The following TNPO3 variants were observed in gnomAD, a reference collection of about 807,000 sequenced individuals.
TNPO3 encodes transportin 3.
In TNPO3, 65 loss-of-function variants were observed where a neutral mutation model predicts 122.8. That is an observed-to-expected ratio of 0.53 (90% CI 0.43 to 0.65). The LOEUF (loss-of-function observed/expected upper bound fraction) is 0.65. Among genes scored for constraint, TNPO3 ranks in the 30% least tolerant of loss-of-function variants. The pLI, the probability that TNPO3 is intolerant of heterozygous loss-of-function variation, is 0.00. For synonymous variants in TNPO3, 372 were observed against 411.2 expected (o/e 0.90, Z 1.15); for missense variants, 850 against 1,136.7 (o/e 0.75, Z 3.63).
At chr7:128,969,467 T>TTAA (rs1798241892) in intron 20 of TNPO3, among the ~76,000 whole-genome samples, 1 of 139,688 alleles carries the variant, frequency 7.2e-6, no homozygotes, top group African/African-American at 2.5e-5. Flanking sequence ...CTGAACTGCT[T>TTAA]TTACAGTAAT....
intron 18 of TNPO3, 69 bp from the exon 19 acceptor site, chr7:128,972,651 C>T (rs1798609929): frequency 7.1e-7 from 1 of 1,416,822 alleles, no homozygotes; most frequent in Non-Finnish European, 9.7e-7. Flanking sequence ...GGTAAAAGGG[C>T]AAAACTATGA....
chr7:128,959,473 G>T (rs537941844), intron 21 of TNPO3, among the ~76,000 whole-genome samples: 25 of 152,176 alleles, frequency 1.6e-4, no homozygotes, highest in Non-Finnish European at 2.8e-4. Flanking sequence ...TGTGATTACA[G>T]GCGTGAGTCA....
In TNPO3 at chr7:129,055,040, G is replaced by A; in HGVS notation, c.-270C>T. 3 of 432,234 alleles carry A rather than the reference G, an allele frequency of 6.9e-6. No individual in the cohort carries two copies. Among genetic ancestry groups the A allele is most frequent in the East Asian group, 4.5e-5 (1 of 22,010 alleles). The allele number at this position is 432,234 out of a possible 1,614,324, so 26.8% of individuals were successfully genotyped here. On this transcript the variant is annotated 5_prime_UTR_variant, in exon 1 of 23. It adds an upstream start codon to the 5' untranslated region. Coordinates refer to ENST00000265388, the MANE Select transcript of TNPO3 (RefSeq NM_012470.4). ...TGAGTCCACAGATTCTGGCGCTCCC[G>A]TCTTCAGTCGCTGACTTGCCCTCAG... is the stretch of plus-strand genomic sequence containing the variant.
At chr7:128,966,712 C>G (rs1023703526) in intron 21 of TNPO3, among the ~76,000 whole-genome samples, 1 of 152,036 alleles carries the variant, frequency 6.6e-6, no homozygotes, top group African/African-American at 2.4e-5. Flanking sequence ...TTTATATGTT[C>G]ACAGTAAAAA....
intron 21 of TNPO3, among the ~76,000 whole-genome samples, chr7:128,965,539 T>TAA (rs1797850502): frequency 6.6e-6 from 1 of 152,118 alleles, no homozygotes; most frequent in Non-Finnish European, 1.5e-5. Flanking sequence ...TGATGGTTCT[T>TAA]AAAAAAATTA....
At chr7:129,037,183 C>T (rs200702298) in intron 1 of TNPO3, among the ~76,000 whole-genome samples, 1 of 152,136 alleles carries the variant, frequency 6.6e-6, no homozygotes, top group East Asian at 1.9e-4. Flanking sequence ...AATAAAAATG[C>T]CTCAGAAGAG....
chr7:128,980,780 A>C (rs189258512), intron 14 of TNPO3, among the ~76,000 whole-genome samples: 1 of 152,368 alleles, frequency 6.6e-6, no homozygotes, highest in Admixed American at 6.5e-5. Flanking sequence ...TAACAAAAAA[A>C]TATACACAGG....
At chr7:129,014,953 C>T (rs1803664383) in intron 4 of TNPO3, 26 bp downstream of exon 4, 1 of 1,541,852 alleles carries the variant, frequency 6.5e-7, no homozygotes, top group African/African-American at 1.4e-5. Context: ...CTTTATGCAG[C>T]AACTTAGTAT....
chr7:129,000,384 C>G, intron 7 of TNPO3, 45 bp downstream of exon 7: 1 of 1,527,352 alleles, frequency 6.5e-7, no homozygotes, highest in Non-Finnish European at 8.8e-7. Context: ...TAATATGCAG[C>G]ACACAACTTG....
intron 19 of TNPO3, 30 bp from the exon 20 acceptor site, chr7:128,970,345 A>C: frequency 6.5e-7 from 1 of 1,541,068 alleles, no homozygotes; most frequent in South Asian, 1.3e-5. Context: ...AACATCAGAT[A>C]AATTCTAGTC....
Position 128,961,089 on chromosome 7 carries a change from A to AT in TNPO3, c.2712-3775dup, listed in dbSNP as rs869046785. Among the ~76,000 whole-genome samples the AT allele has an allele frequency of 3.6e-4, 55 of 152,070 alleles. 1 individual carries two copies. Among genetic ancestry groups the AT allele is most frequent in the Admixed American group, 2.2e-3 (33 of 15,286 alleles). On this transcript the variant is annotated intron_variant, in intron 21 of 22. Coordinates refer to ENST00000265388, the MANE Select transcript of TNPO3 (RefSeq NM_012470.4). ...GGTTAATTTATTATTGATGAAAAAA[A>AT]TTTTTTTATAAATTTAGTGTAGCCT... is the stretch of plus-strand genomic sequence containing the variant.
intron 21 of TNPO3, among the ~76,000 whole-genome samples, chr7:128,957,919 A>G (rs964516932): frequency 6.6e-6 from 1 of 152,186 alleles, no homozygotes. Context: ...AGCATGTAGA[A>G]AGAGAGACAA....
At chr7:128,985,063 G>C (rs1038135830) in intron 12 of TNPO3, among the ~76,000 whole-genome samples, 1 of 152,048 alleles carries the variant, frequency 6.6e-6, no homozygotes, top group African/African-American at 2.4e-5. Context: ...TATTAGCCTA[G>C]GTCCCTTCTA....
intron 4 of TNPO3, among the ~76,000 whole-genome samples, chr7:129,005,707 C>T (rs904172912): frequency 2.3e-4 from 35 of 151,810 alleles, no homozygotes; most frequent in African/African-American, 7.8e-4. Context: ...GAAGCCTGTA[C>T]AGCCCACAGA....
intron 4 of TNPO3, 111 bp from the exon 5 acceptor site, chr7:129,005,270 C>A: frequency 9.6e-7 from 1 of 1,041,240 alleles, no homozygotes; most frequent in Non-Finnish European, 1.3e-6. Flanking sequence ...AAACAGCCAA[C>A]GGTTAAAAGT....
chr7:128,970,911 G>GGGA (rs954573168), intron 19 of TNPO3: 2 of 152,016 alleles, frequency 1.3e-5, no homozygotes, highest in Non-Finnish European at 2.9e-5. Flanking sequence ...TGCCTAAGGA[G>GGGA]GGAGGGGTGA....
chr7:129,044,951 G>C (rs1459408907), intron 1 of TNPO3, among the ~76,000 whole-genome samples: 1 of 152,210 alleles, frequency 6.6e-6, no homozygotes, highest in Non-Finnish European at 1.5e-5. Flanking sequence ...GCAAGCAAGT[G>C]TCCATTGATG....
intron 18 of TNPO3, among the ~76,000 whole-genome samples, chr7:128,974,003 G>A (rs1038923029): frequency 4.6e-5 from 7 of 151,126 alleles, no homozygotes; most frequent in East Asian, 2.0e-4. Context: ...GCAAAACCCC[G>A]TCTCTACTAA....
intron 21 of TNPO3, among the ~76,000 whole-genome samples, chr7:128,958,376 C>T (rs1797116076): frequency 6.6e-6 from 1 of 152,068 alleles, no homozygotes; most frequent in African/African-American, 2.4e-5. Context: ...AACTCCTGAC[C>T]TTGTGATCCG....
Sources: allele counts gnomAD v4.1 joint callset (sites outside exome capture counted in the v4.1 genomes callset), GRCh38; gene constraint gnomAD v4.1.1; transcripts MANE v1.5; gene names NCBI Gene and HGNC (gene_info 2026-07-23, HGNC 2026-07-21).